Variants in TBCA observed in about 807,000 individuals in gnomAD.
TBCA encodes tubulin-specific chaperone A.
TBCA carries 6 observed loss-of-function variants against 15.8 expected under a neutral mutation model. The observed-to-expected ratio is 0.38, with a 90% CI of 0.21 to 0.75. TBCA has a LOEUF of 0.75. Ranked by LOEUF, TBCA falls within the 30% of genes least tolerant of loss-of-function variation. TBCA has a pLI of 0.46. For missense variants in TBCA, 90 were observed against 131.2 expected (o/e 0.69, Z 1.53); for synonymous variants, 32 against 42.3 (o/e 0.76, Z 0.94).
At chr5:77,727,239 GAAAAAAAAAAA>G (rs35477479) in intron 1 of TBCA, among the ~76,000 whole-genome samples, 9 of 81,022 alleles carry the variant, frequency 1.1e-4, no homozygotes, top group South Asian at 9.6e-4. Context: ...TCTGTCTCAG[GAAAAAAAAAAA>G]AAAAAAAAAA....
At chr5:77,725,373 A>G (rs887788294) in intron 1 of TBCA, among the ~76,000 whole-genome samples, 2 of 152,228 alleles carry the variant, frequency 1.3e-5, no homozygotes, top group African/African-American at 4.8e-5. Flanking sequence ...GGACCAAGTC[A>G]GGTGGTAAAT....
intron 1 of TBCA, among the ~76,000 whole-genome samples, chr5:77,775,162 A>G (rs988990910): frequency 4.6e-5 from 7 of 152,052 alleles, no homozygotes; most frequent in Non-Finnish European, 8.8e-5. Flanking sequence ...CCCTCTACCC[A>G]CCTGAGACAA....
intron 1 of TBCA, among the ~76,000 whole-genome samples, chr5:77,757,235 G>A (rs1445559192): frequency 6.6e-6 from 1 of 152,072 alleles, no homozygotes; most frequent in Non-Finnish European, 1.5e-5. Flanking sequence ...GTGCTCTAAT[G>A]GTAAGCAGAA....
chr5:77,764,311 CAT>C (rs1747723902), intron 1 of TBCA, among the ~76,000 whole-genome samples: 1 of 152,140 alleles, frequency 6.6e-6, no homozygotes, highest in Non-Finnish European at 1.5e-5. Context: ...GTGATGGACT[CAT>C]GTTATTAATA....
At chr5:77,731,429 A>G (rs1746766535) in intron 1 of TBCA, among the ~76,000 whole-genome samples, 1 of 152,216 alleles carries the variant, frequency 6.6e-6, no homozygotes, top group African/African-American at 2.4e-5. Context: ...GTTACTGGGA[A>G]AATTAAATTG....
intron 1 of TBCA, among the ~76,000 whole-genome samples, chr5:77,757,336 C>T (rs1370478108): frequency 6.6e-6 from 1 of 152,172 alleles, no homozygotes; most frequent in African/African-American, 2.4e-5. Flanking sequence ...CAGCTAAAGA[C>T]TGCTCTCTAG....
chr5:77,705,432 G>A (rs1746128865), intron 2 of TBCA: 2 of 391,762 alleles, frequency 5.1e-6, no homozygotes, highest in Non-Finnish European at 9.0e-6. Flanking sequence ...AACAATAGAA[G>A]ACTTAAGAGT....
At position 77,692,973 on chromosome 5, in the gene TBCA, C is replaced by T. The variant is rs140626814; in HGVS notation, c.246+293G>A. 10 of 1,331,078 alleles carry T rather than the reference C, an allele frequency of 7.5e-6. No individual in the cohort carries two copies. In the African/African-American group the frequency reaches 1.1e-4, roughly 14 times the overall value. The allele number at this position is 1,331,078 out of a possible 1,614,324, so 82.5% of individuals were successfully genotyped here. ...CTCAAAAGATCTTTATGTATGAAAA[C>T]CAAATAATCAAGACATTGCTGGACA... On this transcript the variant is annotated intron_variant, in intron 3 of 3. Transcript: ENST00000380377.
At chr5:77,769,669 T>TA (rs35108099) in intron 1 of TBCA, among the ~76,000 whole-genome samples, 1,796 of 146,466 alleles carry the variant, frequency 0.012, 29 homozygotes, top group African/African-American at 0.039. Context: ...CTTGCTTTAT[T>TA]AAAAAAAAAA....
intron 2 of TBCA, among the ~76,000 whole-genome samples, chr5:77,703,764 A>T (rs115335680): frequency 0.014 from 2,116 of 152,032 alleles, 51 homozygotes; most frequent in African/African-American, 0.048. Flanking sequence ...TCCTAATAAA[A>T]TTTTTTTATT....
intron 1 of TBCA, among the ~76,000 whole-genome samples, chr5:77,762,574 A>C (rs1418905554): frequency 6.6e-6 from 1 of 152,236 alleles, no homozygotes; most frequent in Non-Finnish European, 1.5e-5. Flanking sequence ...ATGCTATGCC[A>C]AACTTAAGAA....
chr5:77,761,767 G>A lies in TBCA; in HGVS notation c.53+14438C>T, dbSNP rs952034064. Among the ~76,000 whole-genome samples the A allele has an allele frequency of 1.2e-4, 18 of 151,154 alleles. No individual in the cohort carries two copies. In the East Asian group the frequency reaches 2.1e-3, roughly 18 times the overall value. On this transcript the variant is annotated intron_variant, in intron 1 of 3. Transcript: ENST00000380377. Reference sequence around the variant, plus strand: ...TGCTTGAAGGCTGGCTGATCCAGCCGTCCAACAGATGTTTCCATCAAGGAC... The same window carrying A: ...TGCTTGAAGGCTGGCTGATCCAGCCATCCAACAGATGTTTCCATCAAGGAC...
intron 1 of TBCA, among the ~76,000 whole-genome samples, chr5:77,710,166 T>C (rs1746242281): frequency 6.6e-6 from 1 of 152,146 alleles, no homozygotes; most frequent in African/African-American, 2.4e-5. Flanking sequence ...GGTATGTGAA[T>C]TATATCTCAA....
intron 2 of TBCA, among the ~76,000 whole-genome samples, chr5:77,706,943 G>C (rs1047643215): frequency 1.3e-5 from 2 of 152,056 alleles, no homozygotes; most frequent in African/African-American, 4.8e-5. Flanking sequence ...TGAGTATCTG[G>C]ATGAGTGGAG....
chr5:77,758,699 C>G (rs1326249864), intron 1 of TBCA, among the ~76,000 whole-genome samples: 1 of 151,458 alleles, frequency 6.6e-6, no homozygotes, highest in Non-Finnish European at 1.5e-5. Context: ...GCTCTCCTTA[C>G]ACTTGGGAGG....
intron 2 of TBCA, among the ~76,000 whole-genome samples, chr5:77,707,270 C>A (rs765582642): frequency 6.6e-6 from 1 of 152,122 alleles, no homozygotes; most frequent in Non-Finnish European, 1.5e-5. Context: ...AGTTCCCTAA[C>A]GGCCTCTATT....
Position 77,700,293 on chromosome 5 carries a change from C to T in TBCA, c.160-6941G>A, listed in dbSNP as rs1580091557. ...GACAAACTACAGACAGAAATATCTGCAAACCACGTATCTGACAAAGGGCAT... is the reference window on the plus strand; with the variant it reads ...GACAAACTACAGACAGAAATATCTGTAAACCACGTATCTGACAAAGGGCAT... On this transcript the variant is annotated intron_variant, in intron 2 of 3. Coordinates refer to ENST00000380377, the MANE Select transcript of TBCA (RefSeq NM_004607.3). 2.0e-5 allele frequency among the ~76,000 whole-genome samples: 3 copies of T among 152,076 alleles called. No individual in the cohort carries two copies. The South Asian group carries it at 6.2e-4, about 32-fold the overall frequency.
At chr5:77,712,204 T>C (rs1339171705) in intron 1 of TBCA, among the ~76,000 whole-genome samples, 2 of 152,192 alleles carry the variant, frequency 1.3e-5, no homozygotes, top group Non-Finnish European at 2.9e-5. Flanking sequence ...AGTAGTTTTA[T>C]CAGTTGACAT....
chr5:77,712,949 AGTC>A (rs1205148831), intron 1 of TBCA, among the ~76,000 whole-genome samples: 2 of 152,172 alleles, frequency 1.3e-5, no homozygotes, highest in Non-Finnish European at 2.9e-5. Context: ...ACTGTCCAGT[AGTC>A]TTTTTCTCTC....
Sources: allele counts gnomAD v4.1 joint callset (sites outside exome capture counted in the v4.1 genomes callset), GRCh38; gene constraint gnomAD v4.1.1; transcripts MANE v1.5; gene names NCBI Gene and HGNC (gene_info 2026-07-23, HGNC 2026-07-21).